MAP2K3: variants seen among roughly 807,000 people sequenced by gnomAD.
MAP2K3 encodes the protein mitogen-activated protein kinase kinase 3.
Under a neutral mutation model 46.4 loss-of-function variants are expected in MAP2K3, and 30 were observed. The observed-to-expected ratio is 0.65, with a 90% CI of 0.48 to 0.88. MAP2K3 has a LOEUF of 0.88. Among genes scored for constraint, MAP2K3 ranks in the 40% least tolerant of loss-of-function variants. The pLI, the probability that MAP2K3 is intolerant of heterozygous loss-of-function variation, is 0.00. For missense variants in MAP2K3, 380 were observed against 464.5 expected (o/e 0.82, Z 1.67); for synonymous variants, 189 against 176.3 (o/e 1.07, Z -0.57).
At chr17:21,292,173 G>T (rs1390497039) in intron 1 of MAP2K3, among the ~76,000 whole-genome samples, 1 of 152,304 alleles carries the variant, frequency 6.6e-6, no homozygotes, top group African/African-American at 2.4e-5. Flanking sequence ...TGCGGGGGCT[G>T]TACTGTGCTC....
chr17:21,312,456 C>G (rs1167758804), intron 10 of MAP2K3, among the ~76,000 whole-genome samples, 175 bp downstream of exon 10: 1 of 152,146 alleles, frequency 6.6e-6, no homozygotes, highest in Non-Finnish European at 1.5e-5. Flanking sequence ...AAACGATGGT[C>G]TTGGTGGGAG....
chr17:21,312,799 CA>C (rs1977227206), intron 10 of MAP2K3, among the ~76,000 whole-genome samples: 1 of 152,132 alleles, frequency 6.6e-6, no homozygotes, highest in South Asian at 2.1e-4. Context: ...CCTATAATCC[CA>C]GCTACTCAGG....
At chr17:21,295,811 C>T (rs1403817640) in intron 1 of MAP2K3, 1 of 1,289,542 alleles carries the variant, frequency 7.8e-7, no homozygotes, top group South Asian at 1.2e-5. Context: ...CCACATGATA[C>T]AACATTCCCA....
intron 1 of MAP2K3, among the ~76,000 whole-genome samples, chr17:21,292,233 C>T (rs1975981509): frequency 6.6e-6 from 1 of 152,312 alleles, no homozygotes; most frequent in African/African-American, 2.4e-5. Context: ...GGGCTGGCTT[C>T]AAGCAGGCCT....
Position 21,295,041 on chromosome 17 carries a change from G to A in MAP2K3, c.50-3372G>A, listed in dbSNP as rs1446847107. Among the ~76,000 whole-genome samples, 7 of 152,428 alleles carry A rather than the reference G, an allele frequency of 4.6e-5. No individual in the cohort carries two copies. The South Asian group carries it at 8.3e-4, about 18-fold the overall frequency. On this transcript the variant is annotated intron_variant, in intron 1 of 11. Transcript: ENST00000342679. ...GCCACAGGGAGAGCCGGTCACTGGGGCCTGCGCAGTCAGGCAGCCTCTCTG... is the reference window on the plus strand; with the variant it reads ...GCCACAGGGAGAGCCGGTCACTGGGACCTGCGCAGTCAGGCAGCCTCTCTG...
At position 21,296,130 on chromosome 17, in the gene MAP2K3, G is replaced by A. The variant is rs1166253843; in HGVS notation, c.50-2283G>A. On this transcript the variant is annotated intron_variant, in intron 1 of 11. Transcript: ENST00000342679. The stretch of plus-strand genomic sequence containing the variant: ...GGTGACCATTTATGGGCCACAACAG[G>A]TCCCCATCTGCGCAGTGAACCCTGT... 6.2e-6 allele frequency: 8 copies of A among 1,289,490 alleles called. No individual in the cohort carries two copies. In the South Asian group the frequency reaches 8.6e-5, roughly 14 times the overall value. The allele number at this position is 1,289,490 out of a possible 1,614,324, so 79.9% of individuals were successfully genotyped here.
intron 1 of MAP2K3, among the ~76,000 whole-genome samples, chr17:21,294,138 C>T (rs1041586998): frequency 7.9e-5 from 12 of 152,428 alleles, no homozygotes; most frequent in Middle Eastern, 3.4e-3. Flanking sequence ...TGCCATGGAG[C>T]GCATTGGCCT....
At chr17:21,301,939 C>A (rs1976624116) in intron 5 of MAP2K3, among the ~76,000 whole-genome samples, 1 of 152,310 alleles carries the variant, frequency 6.6e-6, no homozygotes, top group Non-Finnish European at 1.5e-5. Flanking sequence ...AGGCTGGCGC[C>A]CGAACCTGGC....
At chr17:21,292,631 C>T (rs530711142) in intron 1 of MAP2K3, among the ~76,000 whole-genome samples, 1 of 152,424 alleles carries the variant, frequency 6.6e-6, no homozygotes, top group East Asian at 1.9e-4. Context: ...TCCCAAAGTG[C>T]TGGGATTACA....
At chr17:21,292,028 C>G (rs1229223639) in intron 1 of MAP2K3, among the ~76,000 whole-genome samples, 1 of 152,312 alleles carries the variant, frequency 6.6e-6, no homozygotes, top group Non-Finnish European at 1.5e-5. Context: ...GCGGGGAAGG[C>G]AGGAGCTGGG....
At chr17:21,304,328 G>T in intron 7 of MAP2K3, 98 bp from the exon 8 acceptor site, 1 of 1,592,614 alleles carries the variant, frequency 6.3e-7, no homozygotes, top group Middle Eastern at 1.7e-4. Context: ...GCACAGGAGG[G>T]GTCTTGGGCG....
At chr17:21,285,867 G>A (rs1279609328) in intron 1 of MAP2K3, among the ~76,000 whole-genome samples, 1 of 152,036 alleles carries the variant, frequency 6.6e-6, no homozygotes, top group East Asian at 1.9e-4. Context: ...CATGCGGAGG[G>A]GGAAGGATGA....
At chr17:21,294,201 C>T (rs971919095) in intron 1 of MAP2K3, among the ~76,000 whole-genome samples, 2 of 152,306 alleles carry the variant, frequency 1.3e-5, no homozygotes, top group East Asian at 1.9e-4. Context: ...TGGGGCAGGG[C>T]GGCGCCTCTT....
At chr17:21,309,811 A>C (rs1335452590) in intron 9 of MAP2K3, among the ~76,000 whole-genome samples, 4 of 151,886 alleles carry the variant, frequency 2.6e-5, no homozygotes, top group Non-Finnish European at 5.9e-5. Flanking sequence ...ATGGGGTTTC[A>C]CCATATTGGC....
chr17:21,292,521 A>G (rs1308982394), intron 1 of MAP2K3, among the ~76,000 whole-genome samples: 1 of 152,400 alleles, frequency 6.6e-6, no homozygotes, highest in Non-Finnish European at 1.5e-5. Flanking sequence ...CACGCCCACT[A>G]CATTTTTGTT....
Position 21,304,501 on chromosome 17 carries a change from T to G in MAP2K3, c.644T>G (p.Leu215Trp), listed in dbSNP as rs74575904. Residue 215 changes from leucine to tryptophan, a missense_variant, in exon 8 of 12, where the codon TTG (leucine) becomes TGG (tryptophan). This residue lies in a region of MAP2K3 where 13 missense variants were observed against 32.7 expected (regional missense o/e 0.40). Coordinates refer to ENST00000342679, the MANE Select transcript of MAP2K3 (RefSeq NM_145109.3). ...KMCDFGISGY[L>W]VDSVAKTMDA... ...TGTGACTTTGGCATCAGTGGCTACTTGGTGGACTCTGTGGCCAAGACGATG... is the reference window on the plus strand; with the variant it reads ...TGTGACTTTGGCATCAGTGGCTACTGGGTGGACTCTGTGGCCAAGACGATG... 1.9e-6 allele frequency: 3 copies of G among 1,614,314 alleles called. No homozygotes were observed. The highest frequency in any genetic ancestry group is 1.7e-6 in the Non-Finnish European group (2 of 1,180,056).
intron 7 of MAP2K3, 126 bp from the exon 8 acceptor site, chr17:21,304,300 A>C: frequency 3.2e-6 from 5 of 1,547,134 alleles, no homozygotes; most frequent in Non-Finnish European, 4.4e-6. Context: ...CAACCTGCCC[A>C]CTGGGGCATG....
At chr17:21,294,342 T>C (rs1976119398) in intron 1 of MAP2K3, among the ~76,000 whole-genome samples, 1 of 152,294 alleles carries the variant, frequency 6.6e-6, no homozygotes, top group South Asian at 2.1e-4. Context: ...ATTACTTCTG[T>C]TGTCAGAAAC....
intron 1 of MAP2K3, among the ~76,000 whole-genome samples, chr17:21,294,458 TAGAGGG>T (rs1233335071): frequency 6.6e-6 from 1 of 152,310 alleles, no homozygotes; most frequent in Non-Finnish European, 1.5e-5. Context: ...GGGTGACCCT[TAGAGGG>T]TCACACAGCT....
Sources: allele counts gnomAD v4.1 joint callset (sites outside exome capture counted in the v4.1 genomes callset), GRCh38; gene constraint gnomAD v4.1.1; regional missense constraint gnomAD v4.1.1; transcripts MANE v1.5; gene names NCBI Gene and HGNC (gene_info 2026-07-23, HGNC 2026-07-21).